The following LRRC8A variants were observed in gnomAD, a reference collection of about 807,000 sequenced individuals.
LRRC8A encodes the protein volume-regulated anion channel subunit LRRC8A.
A neutral mutation model predicts 52.5 loss-of-function variants in LRRC8A; 24 were observed. That is an observed-to-expected ratio of 0.46 (90% confidence interval 0.33 to 0.64). The LOEUF (loss-of-function observed/expected upper bound fraction) is 0.64, where lower values mean the gene tolerates loss of function less well. LRRC8A is among the 30% of genes least tolerant of loss of function. The pLI is 0.02. For missense variants in LRRC8A, 677 were observed against 1,094.7 expected, an observed-to-expected ratio of 0.62 and a Z score of 5.38; for synonymous variants, 492 against 494.2, an observed-to-expected ratio of 1.00 and a Z score of 0.06.
chr9:128,887,374 G>T (rs149204572), intron 2 of LRRC8A, among the ~76,000 whole-genome samples: 1 of 152,144 alleles, frequency 6.6e-6, no homozygotes, highest in East Asian at 1.9e-4. Context: ...ACATTGCCCA[G>T]GCTGGTCTCG....
chr9:128,914,306 C>T (rs1485548530), intron 3 of LRRC8A, among the ~76,000 whole-genome samples: 1 of 151,880 alleles, frequency 6.6e-6, no homozygotes, highest in African/African-American at 2.4e-5. Flanking sequence ...CTCCTGGGCC[C>T]TTCTCTAAAC....
At chr9:128,895,763 C>T (rs750336083) in intron 2 of LRRC8A, among the ~76,000 whole-genome samples, 4 of 152,180 alleles carry the variant, frequency 2.6e-5, no homozygotes, top group East Asian at 1.9e-4. Flanking sequence ...TCTGCTGCTC[C>T]GGTAACCTGG....
chr9:128,908,482 G>A lies in LRRC8A; in HGVS notation c.1318G>A (p.Asp440Asn). 1 of 1,613,096 alleles carries A rather than the reference G, an allele frequency of 6.2e-7. No homozygotes were observed. Among genetic ancestry groups the A allele is most frequent in the East Asian group, 2.2e-5 (1 of 44,870 alleles). ...CCTGTTCATGCTCAGTGGCATCCCTGACACTGTGTTTGACCTGGTGGAGCT... is the reference window on the plus strand; with the variant it reads ...CCTGTTCATGCTCAGTGGCATCCCTAACACTGTGTTTGACCTGGTGGAGCT... ...LHLFMLSGIP[D>N]TVFDLVELEV... Residue 440 changes from aspartate (D) to asparagine (N), a missense_variant, in exon 3 of 4, where the codon GAC (aspartate) becomes AAC (asparagine). Asp to Asn is a conservative substitution (Grantham distance 23). Transcript: ENST00000372600.
rs184843586 is a variant in LRRC8A at position 128,892,400 on chromosome 9, C to T, written c.-9+6279C>T. On this transcript the variant is annotated intron_variant, in intron 2 of 3. Transcript: ENST00000372600. This position sits in a 1 kb window ranked among gnomAD's most constrained non-coding sequence, Gnocchi z 5.2. The stretch of plus-strand genomic sequence containing the variant: ...TTCACCCTAGAAGGCGGGCCACGCC[C>T]TTGCAAGTTGGTGTGAGGATGAACC... 7.9e-5 allele frequency among the ~76,000 whole-genome samples: 12 copies of T among 152,310 alleles called. No individual in the cohort carries two copies. The East Asian group carries it at 2.3e-3, about 29-fold the overall frequency.
At chr9:128,883,024 C>A (rs1374283266) in intron 1 of LRRC8A, 1 of 362,132 alleles carries the variant, frequency 2.8e-6, no homozygotes, top group Non-Finnish European at 4.9e-6. Context: ...TGATCTGGAC[C>A]GGGGTGAACC....
rs1321154896 is a variant in LRRC8A, at chr9:128,908,161, G to A, written c.997G>A (p.Gly333Ser). Reference sequence around the variant, plus strand: ...CTACATCAGCCTAGTCATCTTCTACGGCCTCATCTGCATGTATACACTGTG... The same window carrying A: ...CTACATCAGCCTAGTCATCTTCTACAGCCTCATCTGCATGTATACACTGTG... ...SFYISLVIFY[G>S]LICMYTLWWM... is the part of the protein sequence containing the mutation. Residue 333 changes from glycine (G) to serine (S), a missense_variant, in exon 3 of 4, where the codon GGC (glycine) becomes AGC (serine). By Grantham distance (56) the Gly-to-Ser change is moderately conservative. This residue lies in a region of LRRC8A where 422 missense variants were observed against 741.5 expected (regional missense o/e 0.57). Transcript: ENST00000372600. The A allele has an allele frequency of 4.3e-6, 7 of 1,613,932 alleles. No individual in the cohort carries two copies. The highest frequency in any genetic ancestry group is 2.2e-5 in the East Asian group (1 of 44,872).
intron 2 of LRRC8A, among the ~76,000 whole-genome samples, chr9:128,901,509 C>A (rs945493875): frequency 6.6e-6 from 1 of 152,120 alleles, no homozygotes; most frequent in Non-Finnish European, 1.5e-5. Flanking sequence ...TGCCTACAGT[C>A]CAGCTACTCT....
chr9:128,908,156 T>A lies in LRRC8A; in HGVS notation c.992T>A (p.Phe331Tyr), dbSNP rs778302015. Residue 331 changes from phenylalanine to tyrosine, a missense_variant, in exon 3 of 4, where the codon TTC becomes TAC. Phe to Tyr is a conservative substitution (Grantham distance 22). Around this residue, in one of 4 missense-constraint regions of LRRC8A, gnomAD observed 422 missense variants for 741.5 expected, o/e 0.57. Coordinates refer to ENST00000372600, the MANE Select transcript of LRRC8A (RefSeq NM_019594.4). ...LASFYISLVI[F>Y]YGLICMYTLW... ...TCCTTCTACATCAGCCTAGTCATCT[T>A]CTACGGCCTCATCTGCATGTATACA... is the stretch of plus-strand genomic sequence containing the variant. The A allele has an allele frequency of 6.2e-7, 1 of 1,614,080 alleles. No individual in the cohort carries two copies. Among genetic ancestry groups the A allele is most frequent in the East Asian group, 2.2e-5 (1 of 44,882 alleles).
chr9:128,885,873 T>A (rs564526524), intron 1 of LRRC8A, 142 bp from the exon 2 acceptor site: 2 of 152,208 alleles, frequency 1.3e-5, no homozygotes, highest in South Asian at 4.2e-4. Flanking sequence ...TGCACCACTA[T>A]ACAAAAAAAA....
chr9:128,895,219 CTGATTT>C (rs1417490473), intron 2 of LRRC8A, among the ~76,000 whole-genome samples: 4 of 152,054 alleles, frequency 2.6e-5, no homozygotes, highest in Non-Finnish European at 5.9e-5. Context: ...GGCGTTATTC[CTGATTT>C]AAAGTTGTAG....
chr9:128,894,586 A>G (rs928750347), intron 2 of LRRC8A, among the ~76,000 whole-genome samples: 2 of 151,918 alleles, frequency 1.3e-5, no homozygotes, highest in African/African-American at 2.4e-5. Flanking sequence ...TGAGGTCAGG[A>G]GTTTGAGACC....
At chr9:128,909,720 A>T (rs1054671027) in intron 3 of LRRC8A, among the ~76,000 whole-genome samples, 2 of 152,174 alleles carry the variant, frequency 1.3e-5, no homozygotes, top group African/African-American at 4.8e-5. Flanking sequence ...GTCAAGACTT[A>T]GCCTGGAGTT....
At chr9:128,894,485 A>G (rs1018132073) in intron 2 of LRRC8A, among the ~76,000 whole-genome samples, 1 of 147,768 alleles carries the variant, frequency 6.8e-6, no homozygotes, top group African/African-American at 2.5e-5. Context: ...CTCCATCTCA[A>G]AAAAAAAAAA....
chr9:128,895,061 T>A (rs572001619), intron 2 of LRRC8A, among the ~76,000 whole-genome samples: 2 of 152,218 alleles, frequency 1.3e-5, no homozygotes, highest in Admixed American at 6.5e-5. Flanking sequence ...TATTCACTTA[T>A]GTGAATAAGT....
At chr9:128,884,176 G>A (rs545083392) in intron 1 of LRRC8A, among the ~76,000 whole-genome samples, 9 of 152,136 alleles carry the variant, frequency 5.9e-5, no homozygotes, top group South Asian at 2.1e-4. Flanking sequence ...GGAAGTGGCC[G>A]GACCCTGGGT....
At chr9:128,910,345 CG>C (rs1227519064) in intron 3 of LRRC8A, among the ~76,000 whole-genome samples, 1 of 152,148 alleles carries the variant, frequency 6.6e-6, no homozygotes, top group African/African-American at 2.4e-5. Flanking sequence ...GCTGTCGTGC[CG>C]GGCCCCTGTG....
At chr9:128,898,359 A>G (rs1236040726) in intron 2 of LRRC8A, among the ~76,000 whole-genome samples, 1 of 152,130 alleles carries the variant, frequency 6.6e-6, no homozygotes, top group Non-Finnish European at 1.5e-5. Flanking sequence ...TAGTTGATCC[A>G]GTAGCTTCTT....
At chr9:128,895,126 A>G (rs1564521439) in intron 2 of LRRC8A, among the ~76,000 whole-genome samples, 4 of 152,142 alleles carry the variant, frequency 2.6e-5, no homozygotes, top group Non-Finnish European at 2.9e-5. Flanking sequence ...AACACATTTT[A>G]TATACTGCTC....
rs1840846464 is a variant in LRRC8A, at chr9:128,916,926, C to G, written c.*555C>G. The G allele has an allele frequency of 6.5e-6, 1 of 154,752 alleles. No individual in the cohort carries two copies. Among genetic ancestry groups the G allele is most frequent in the African/African-American group, 2.4e-5 (1 of 41,434 alleles). 9.6% of individuals were successfully genotyped at this position (154,752 alleles called of 1,614,324 possible). ...GCCATGGGACGGTCACCCAGCAGTGCCGGGCTGGGCTCTGCGGTGCGGTCC... is the reference window on the plus strand; with the variant it reads ...GCCATGGGACGGTCACCCAGCAGTGGCGGGCTGGGCTCTGCGGTGCGGTCC... On this transcript the variant is annotated 3_prime_UTR_variant, in exon 4 of 4. Transcript: ENST00000372600. The surrounding 1 kb of genome is among the most constrained non-coding windows in gnomAD (Gnocchi z 6.1).
Sources: gnomAD v4.1 joint callset for allele counts (sites outside exome capture counted in the v4.1 genomes callset) on GRCh38, gnomAD v4.1.1 for gene constraint, gnomAD v4.1.1 regional missense constraint, Gnocchi (gnomAD v3.1) non-coding constraint, MANE v1.5 for transcripts, NCBI Gene and HGNC (gene_info 2026-07-23, HGNC 2026-07-21) for gene names.